The following ANO7 variants were observed in gnomAD, a reference collection of about 807,000 sequenced individuals.
The protein encoded by ANO7 is anoctamin-7.
ANO7 carries 114 observed loss-of-function variants against 115.8 expected under a neutral mutation model. The observed-to-expected ratio is 0.98, with a 90% CI of 0.85 to 1.15. ANO7 has a LOEUF of 1.15. ANO7 is among the 50% of genes most tolerant of loss of function. ANO7 has a pLI of 0.00. For missense variants in ANO7, 1,302 were observed against 1,201.2 expected (o/e 1.08, Z -1.24); for synonymous variants, 550 against 498.2 (o/e 1.10, Z -1.38).
rs751039422 is a variant in ANO7, at chr2:241,216,194, A to G, written c.1928A>G (p.Glu643Gly). ...ASQGPWEDDY[E>G]LVPCEGLFDE... ...CAGGGGCCCTGGGAGGACGACTATGAGCTTGTGCCCTGTGAGGGTCTGTTT... is the reference window on the plus strand; with the variant it reads ...CAGGGGCCCTGGGAGGACGACTATGGGCTTGTGCCCTGTGAGGGTCTGTTT... The change falls in exon 19 of 25, where the codon GAG becomes GGG. Residue 643 changes from glutamate (E) to glycine (G), a missense_variant. Glu to Gly is a moderately conservative substitution (Grantham distance 98). Transcript: ENST00000674324. 1.4e-5 allele frequency: 22 copies of G among 1,612,524 alleles called. No individual in the cohort carries two copies. The highest frequency in any genetic ancestry group is 1.8e-5 in the Non-Finnish European group (21 of 1,179,654).
chr2:241,229,752 C>G (rs2069488331), downstream of ANO7: 2 of 1,607,972 alleles, frequency 1.2e-6, no homozygotes, highest in Admixed American at 3.4e-5. Context: ...GCTTCCGACG[C>G]AGTTGCCACC....
chr2:241,209,773 C>A, intron 13 of ANO7, 138 bp downstream of exon 13: 1 of 1,270,036 alleles, frequency 7.9e-7, no homozygotes, highest in Non-Finnish European at 1.0e-6. Flanking sequence ...CAGAGAGGCC[C>A]CCATGTGCCC....
Position 241,201,323 on chromosome 2 carries a change from A to T in ANO7, c.580A>T (p.Thr194Ser), listed in dbSNP as rs756927394. The T allele has an allele frequency of 1.2e-6, 2 of 1,613,120 alleles. No individual in the cohort carries two copies. ...CTTCCTCGGGAGTGACAACCAGGAC[A>T]CCTTCTTCACAAGCACCAAGAGGCA... is the stretch of plus-strand genomic sequence containing the variant. ...PRFLGSDNQD[T>S]FFTSTKRHQI... Residue 194 changes from threonine (T) to serine (S), a missense_variant, in exon 7 of 25, where the codon ACC (threonine) becomes TCC (serine). By Grantham distance (58) the Thr-to-Ser change is moderately conservative. Coordinates refer to ENST00000674324, the MANE Select transcript of ANO7 (RefSeq NM_001370694.2).
At chr2:241,189,020 C>T (rs1261283786) in intron 1 of ANO7, among the ~76,000 whole-genome samples, 1 of 152,212 alleles carries the variant, frequency 6.6e-6, no homozygotes, top group Non-Finnish European at 1.5e-5. Context: ...TGGAGCAGGT[C>T]CCTTCGTTGG....
At chr2:241,210,447 T>C in intron 14 of ANO7, 21 bp from the exon 15 acceptor site, 1 of 1,613,872 alleles carries the variant, frequency 6.2e-7, no homozygotes. Context: ...CATCCGGCTC[T>C]GACGGCCTGT....
chr2:241,204,380 G>T (rs1289544140), intron 9 of ANO7, among the ~76,000 whole-genome samples: 7 of 140,172 alleles, frequency 5.0e-5, no homozygotes, highest in South Asian at 2.5e-4. Flanking sequence ...AGGGCCTGGG[G>T]TAACTGAGGG....
At chr2:241,200,492 C>T (rs1458785694) in intron 6 of ANO7, among the ~76,000 whole-genome samples, 1 of 152,262 alleles carries the variant, frequency 6.6e-6, no homozygotes, top group African/African-American at 2.4e-5. Context: ...CTCAGGCACA[C>T]GTGTGGTGGG....
chr2:241,217,656 G>T (rs1278957446), intron 19 of ANO7, 30 bp from the exon 20 acceptor site: 2 of 1,552,766 alleles, frequency 1.3e-6, no homozygotes, highest in East Asian at 2.4e-5. Flanking sequence ...GACGGTGGCG[G>T]AGAGCCCGGC....
rs959149983 is a variant in ANO7, at chr2:241,224,426, G to T, written c.*273G>T. 2.0e-6 allele frequency: 1 copy of T among 497,528 alleles called. No homozygotes were observed. Among genetic ancestry groups the T allele is most frequent in the African/African-American group, 1.9e-5 (1 of 51,664 alleles). 30.8% of individuals were successfully genotyped at this position (497,528 alleles called of 1,614,324 possible). A position where few individuals can be genotyped will look rare whatever the true frequency, so the allele number is the denominator to read the frequency against. Reference sequence around the variant, plus strand: ...AGCCCAAGGGGCCCCTGCACCCAAGGGACCCTGTCCCTCGGTGGCCTCCCC... The same window carrying T: ...AGCCCAAGGGGCCCCTGCACCCAAGTGACCCTGTCCCTCGGTGGCCTCCCC... On this transcript the variant is annotated 3_prime_UTR_variant, in exon 25 of 25. Transcript: ENST00000674324.
intron 21 of ANO7, among the ~76,000 whole-genome samples, chr2:241,220,813 CAACA>C (rs2068994097): frequency 6.8e-6 from 1 of 146,688 alleles, no homozygotes; most frequent in African/African-American, 2.5e-5. Context: ...AAAACAAGAA[CAACA>C]AACAAAACCT....
chr2:241,224,269 GC>G lies in ANO7; in HGVS notation c.*118del. On this transcript the variant is annotated 3_prime_UTR_variant, in exon 25 of 25. Coordinates refer to ENST00000674324, the MANE Select transcript of ANO7 (RefSeq NM_001370694.2). ...TGTGTGAACCGCTGGCTGCTGTTGTGCCTCATCTCTGGGCACATTGCCTGCT... is the reference window on the plus strand; with the variant it reads ...TGTGTGAACCGCTGGCTGCTGTTGTGCTCATCTCTGGGCACATTGCCTGCT... 1 of 1,202,620 alleles carries G rather than the reference GC, an allele frequency of 8.3e-7. No homozygotes were observed. Among genetic ancestry groups the G allele is most frequent in the East Asian group, 2.5e-5 (1 of 39,748 alleles). 74.5% of individuals were successfully genotyped at this position (1,202,620 alleles called of 1,614,324 possible). A position where few individuals can be genotyped will look rare whatever the true frequency, so the allele number is the denominator to read the frequency against.
intron 17 of ANO7, among the ~76,000 whole-genome samples, chr2:241,214,279 G>A (rs1235448243): frequency 2.6e-5 from 4 of 152,238 alleles, no homozygotes; most frequent in Admixed American, 2.6e-4. Context: ...GCGGGCTTAG[G>A]TATGAATGAT....
chr2:241,208,083 C>A (rs557126161), intron 11 of ANO7, among the ~76,000 whole-genome samples: 1 of 152,196 alleles, frequency 6.6e-6, no homozygotes, highest in South Asian at 2.1e-4. Context: ...CACTGTCCCC[C>A]CTCCCGCCTG....
Position 241,195,802 on chromosome 2 carries a change from C to T in ANO7, c.266C>T (p.Thr89Ile). 6.2e-7 allele frequency: 1 copy of T among 1,614,240 alleles called. No homozygotes were observed. The highest frequency in any genetic ancestry group is 1.3e-5 in the African/African-American group (1 of 75,076). ...GACATGCACAGGACCTGGCGGGAGA[C>T]TTTTCTGGATAATCTTCGTGCGGCT... ...RTDMHRTWRE[T>I]FLDNLRAAGL... Residue 89 changes from threonine to isoleucine, a missense_variant, in exon 4 of 25, where the codon ACT (threonine) becomes ATT (isoleucine). Physicochemically the swap from Thr to Ile is moderately conservative, Grantham distance 89. Transcript: ENST00000674324.
At chr2:241,240,068 G>A in the ANO7 span, 1 of 1,614,214 alleles carries the variant, frequency 6.2e-7, no homozygotes, top group Non-Finnish European at 8.5e-7. The surrounding 1 kb of genome is among the most constrained non-coding windows in gnomAD (Gnocchi z 5.5). Flanking sequence ...TTGCCGATGA[G>A]GAATTTGTGG....
At chr2:241,211,962 C>G in intron 15 of ANO7, 132 bp from the exon 16 acceptor site, 1 of 651,434 alleles carries the variant, frequency 1.5e-6, no homozygotes, top group Admixed American at 2.7e-5. Context: ...CACTTTGTCT[C>G]CTTCTTTTAA....
chr2:241,195,989 C>T (rs940967019), intron 4 of ANO7, 144 bp downstream of exon 4: 117 of 1,543,920 alleles, frequency 7.6e-5, no homozygotes, highest in Middle Eastern at 4.0e-4. Context: ...CCCCAGCCAC[C>T]GTGAGCTCCT....
At chr2:241,189,982 G>T in intron 1 of ANO7, 75 bp from the exon 2 acceptor site, 1 of 1,176,134 alleles carries the variant, frequency 8.5e-7, no homozygotes, top group Non-Finnish European at 1.2e-6. Flanking sequence ...ACTGCAGGCA[G>T]TGTGGTGGCC....
rs752979533 is a variant in ANO7 at position 241,190,070 on chromosome 2, C to T, written c.7C>T (p.Arg3Trp). Residue 3 changes from arginine to tryptophan, a missense_variant, in exon 2 of 25, where the codon CGG becomes TGG. Transcript: ENST00000674324. ...TGCTGGGTGCAGGAGCAGGATGCTG[C>T]GGCGACGGGCCCAGGAAGAGGACAG... ML[R>W]RRAQEEDSTV... is the part of the protein sequence containing the mutation. The T allele has an allele frequency of 8.9e-6, 14 of 1,574,020 alleles. No homozygotes were observed. Among genetic ancestry groups the T allele is most frequent in the African/African-American group, 4.0e-5 (3 of 74,200 alleles).
Sources: gnomAD v4.1 joint callset for allele counts (sites outside exome capture counted in the v4.1 genomes callset) on GRCh38, gnomAD v4.1.1 for gene constraint, Gnocchi (gnomAD v3.1) non-coding constraint, MANE v1.5 for transcripts, NCBI Gene and HGNC (gene_info 2026-07-23, HGNC 2026-07-21) for gene names.